Variants in PAN3 observed in about 807,000 individuals in gnomAD.
The protein encoded by PAN3 is PAN2-PAN3 deadenylation complex subunit PAN3.
A neutral mutation model predicts 96.2 loss-of-function variants in PAN3; 19 were observed. That is an observed-to-expected ratio of 0.20 (90% CI 0.14 to 0.29). The LOEUF is 0.29. Ranked by LOEUF, PAN3 falls within the 10% of genes least tolerant of loss-of-function variation. PAN3 has a pLI of 1.00. For synonymous variants in PAN3, 433 were observed against 406.6 expected (o/e 1.06, Z -0.78); for missense variants, 882 against 1,108.1 (o/e 0.80, Z 2.90).
intron 4 of PAN3, among the ~76,000 whole-genome samples, chr13:28,179,151 TATC>T (rs1173275340): frequency 6.6e-6 from 1 of 152,350 alleles, no homozygotes; most frequent in Middle Eastern, 3.4e-3. Context: ...TATAGGCTCT[TATC>T]ATGGATAAAT....
chr13:28,245,325 A>G (rs767683703), intron 6 of PAN3, among the ~76,000 whole-genome samples: 1 of 151,160 alleles, frequency 6.6e-6, no homozygotes, highest in African/African-American at 2.4e-5. Context: ...GGTCTTATAC[A>G]GTTCTAGTTG....
chr13:28,186,817 C>T (rs111465038), intron 4 of PAN3, among the ~76,000 whole-genome samples: 83 of 151,868 alleles, frequency 5.5e-4, no homozygotes, highest in African/African-American at 2.0e-3. Context: ...CAGAACAAGA[C>T]TGTTAATATA....
chr13:28,140,920 T>C, intron 1 of PAN3, among the ~76,000 whole-genome samples: 1 of 151,768 alleles, frequency 6.6e-6, no homozygotes, highest in Non-Finnish European at 1.5e-5. Context: ...TTTTGCTGGA[T>C]GTGTGAGTCG....
In PAN3 at chr13:28,260,414, G is replaced by A. The variant is rs747947834; in HGVS notation, c.1249-33G>A. 56 of 1,489,772 alleles carry A rather than the reference G, an allele frequency of 3.8e-5. No homozygotes were observed. In the Middle Eastern group the frequency reaches 8.6e-4, roughly 23 times the overall value. The allele number at this position is 1,489,772 out of a possible 1,614,324, so 92.3% of individuals were successfully genotyped here. A position where few individuals can be genotyped will look rare whatever the true frequency, so the allele number is the denominator to read the frequency against. On this transcript the variant is annotated intron_variant, in intron 7 of 18. Transcript: ENST00000380958. ...ATCTGAAAAAAAGAAAGAAAAATGA[G>A]TGATTACATTTACCCCCTTCCTACC...
chr13:28,139,505 GGGGTGTGTTT>G (rs1869340140), intron 1 of PAN3, among the ~76,000 whole-genome samples: 1 of 120,506 alleles, frequency 8.3e-6, no homozygotes, highest in African/African-American at 4.2e-5. Flanking sequence ...CTAGTGGGGA[GGGGTGTGTTT>G]GTGTGTGTGT....
rs543049681 is a variant in PAN3, at chr13:28,146,788, C to T, written c.430+7701C>T. ...GTCAAGAGATACAGACCATCCTGGC[C>T]AACATGGAGAAAGCCTGTCTCCTAA... On this transcript the variant is annotated intron_variant, in intron 1 of 18. Coordinates refer to ENST00000380958, the MANE Select transcript of PAN3 (RefSeq NM_175854.8). Among the ~76,000 whole-genome samples, 7 of 152,186 alleles carry T rather than the reference C, an allele frequency of 4.6e-5. No homozygotes were observed. In the South Asian group the frequency reaches 1.5e-3, roughly 32 times the overall value.
At position 28,244,916 on chromosome 13, in the gene PAN3, T is replaced by A. The variant is rs1328101237; in HGVS notation, c.1001-11376T>A. Among the ~76,000 whole-genome samples, 9 of 152,284 alleles carry A rather than the reference T, an allele frequency of 5.9e-5. No individual in the cohort carries two copies. The East Asian group carries it at 1.7e-3, about 29-fold the overall frequency. On this transcript the variant is annotated intron_variant, in intron 6 of 18. Coordinates refer to ENST00000380958, the MANE Select transcript of PAN3 (RefSeq NM_175854.8). ...CAGGCTGGAGTGCAGTGGCGCGATC[T>A]TGGCTCACTGCAACCTCCGCCTCCC...
chr13:28,257,463 G>A (rs943421391), intron 7 of PAN3, among the ~76,000 whole-genome samples: 2 of 151,396 alleles, frequency 1.3e-5, no homozygotes, highest in African/African-American at 4.9e-5. Flanking sequence ...CCAGAGACCA[G>A]TGTTAGGAAC....
chr13:28,294,199 A>G lies in PAN3; in HGVS notation c.*1677A>G, dbSNP rs148621322. On this transcript the variant is annotated 3_prime_UTR_variant, in exon 19 of 19. Transcript: ENST00000380958. ...CAGTTGTTGAGTTAAAAAGAAAATT[A>G]TTGCATTTGATCTGGATGGATTTTA... 2 of 152,776 alleles carry G rather than the reference A, an allele frequency of 1.3e-5. No individual in the cohort carries two copies. The highest frequency in any genetic ancestry group is 4.8e-5 in the African/African-American group (2 of 41,584). The allele number at this position is 152,776 out of a possible 1,614,324, so 9.5% of individuals were successfully genotyped here.
chr13:28,266,523 A>G (rs534288569), intron 9 of PAN3, among the ~76,000 whole-genome samples, 192 bp from the exon 10 acceptor site: 1 of 152,306 alleles, frequency 6.6e-6, no homozygotes, highest in African/African-American at 2.4e-5. Context: ...ATTTTATTAT[A>G]TAATGCCTAT....
intron 4 of PAN3, among the ~76,000 whole-genome samples, chr13:28,194,814 A>G (rs1368693227): frequency 6.6e-6 from 1 of 152,094 alleles, no homozygotes; most frequent in African/African-American, 2.4e-5. Context: ...GGGTTATATT[A>G]CTGTATGTCA....
At chr13:28,259,101 T>A (rs972181627) in intron 7 of PAN3, among the ~76,000 whole-genome samples, 1 of 151,996 alleles carries the variant, frequency 6.6e-6, no homozygotes, top group African/African-American at 2.4e-5. Flanking sequence ...AATTTTACTG[T>A]ATCTGAAGAA....
chr13:28,196,192 CTT>C (rs1444341816), intron 4 of PAN3, among the ~76,000 whole-genome samples: 1 of 151,754 alleles, frequency 6.6e-6, no homozygotes, highest in African/African-American at 2.4e-5. Context: ...AATTTTAACT[CTT>C]TGTTTCAGCA....
chr13:28,184,113 A>G (rs1876154768), intron 4 of PAN3, among the ~76,000 whole-genome samples: 1 of 151,952 alleles, frequency 6.6e-6, no homozygotes, highest in Non-Finnish European at 1.5e-5. Flanking sequence ...CCTCACAGAA[A>G]CTTCTTCCTG....
At chr13:28,157,247 A>G (rs1872311990) in intron 1 of PAN3, among the ~76,000 whole-genome samples, 1 of 152,180 alleles carries the variant, frequency 6.6e-6, no homozygotes, top group African/African-American at 2.4e-5. Flanking sequence ...AGAGCCATGT[A>G]TGACAAACCC....
chr13:28,205,802 T>G (rs998186610), intron 5 of PAN3, among the ~76,000 whole-genome samples: 1 of 150,500 alleles, frequency 6.6e-6, no homozygotes, highest in Non-Finnish European at 1.5e-5. Flanking sequence ...ACTGTTGCAC[T>G]CCAGTCTGCG....
chr13:28,197,465 A>T (rs898850426), intron 5 of PAN3, 119 bp downstream of exon 5: 3 of 975,178 alleles, frequency 3.1e-6, no homozygotes. Flanking sequence ...TTAGGTAATT[A>T]AAAAAATTTT....
At chr13:28,225,297 A>G (rs1416273329) in intron 6 of PAN3, among the ~76,000 whole-genome samples, 1 of 152,190 alleles carries the variant, frequency 6.6e-6, no homozygotes, top group African/African-American at 2.4e-5. Context: ...AACGTTGTAG[A>G]CTAAAAATAG....
chr13:28,266,130 G>A (rs977620640), intron 9 of PAN3, among the ~76,000 whole-genome samples: 7 of 151,944 alleles, frequency 4.6e-5, no homozygotes, highest in African/African-American at 7.3e-5. Flanking sequence ...ACAAAATAGT[G>A]TATAGAAAAG....
Sources: allele counts gnomAD v4.1 joint callset (sites outside exome capture counted in the v4.1 genomes callset), GRCh38; gene constraint gnomAD v4.1.1; transcripts MANE v1.5; gene names NCBI Gene and HGNC (gene_info 2026-07-23, HGNC 2026-07-21).